ASH1L: variants seen among roughly 807,000 people sequenced by gnomAD.
ASH1L encodes ASH1 like histone lysine methyltransferase, also known as histone-lysine N-methyltransferase ASH1L.
A neutral mutation model predicts 269.0 loss-of-function variants in ASH1L; 23 were observed. The observed-to-expected ratio is 0.09, with a 90% CI of 0.06 to 0.12. ASH1L has a LOEUF of 0.12. Ranked by LOEUF, ASH1L falls within the 10% of genes least tolerant of loss-of-function variation. The pLI is 1.00. For missense variants in ASH1L, 2,912 were observed against 3,567.8 expected, an observed-to-expected ratio of 0.82 and a Z score of 4.68; for synonymous variants, 1,187 against 1,253.5, an observed-to-expected ratio of 0.95 and a Z score of 1.12.
chr1:155,398,863 G>C (rs577376568), intron 6 of ASH1L, among the ~76,000 whole-genome samples: 3 of 152,128 alleles, frequency 2.0e-5, no homozygotes, highest in Admixed American at 6.6e-5. Context: ...TGGAACTACA[G>C]GTGCATGCTA....
chr1:155,413,451 C>G (rs1296259737), intron 6 of ASH1L, among the ~76,000 whole-genome samples: 1 of 152,112 alleles, frequency 6.6e-6, no homozygotes, highest in Non-Finnish European at 1.5e-5. Flanking sequence ...ACTAAAATTA[C>G]AAACAATTAG....
chr1:155,342,224 G>T (rs2148318935), intron 24 of ASH1L, 122 bp from the exon 25 acceptor site: 1 of 859,550 alleles, frequency 1.2e-6, no homozygotes. Context: ...TGGTAGCTAT[G>T]TAGAGAGGCA....
At chr1:155,462,860 G>A (rs900318340) in intron 3 of ASH1L, among the ~76,000 whole-genome samples, 4 of 152,104 alleles carry the variant, frequency 2.6e-5, no homozygotes, top group Non-Finnish European at 5.9e-5. Flanking sequence ...TCTATCGCTT[G>A]GTAATCATCA....
At chr1:155,364,015 C>G (rs560062028) in intron 12 of ASH1L, among the ~76,000 whole-genome samples, 1 of 151,736 alleles carries the variant, frequency 6.6e-6, no homozygotes, top group African/African-American at 2.4e-5. Context: ...ATCTTCTGGC[C>G]GGGTGTTGTG....
intron 6 of ASH1L, 76 bp downstream of exon 6, chr1:155,415,668 T>C (rs984503529): frequency 1.3e-5 from 19 of 1,477,974 alleles, no homozygotes; most frequent in Non-Finnish European, 1.6e-5. Context: ...AGAATCTATA[T>C]TGTTTTTTGA....
chr1:155,379,674 A>T lies in ASH1L; in HGVS notation c.6177+369T>A, dbSNP rs192284562. 1.5e-3 allele frequency among the ~76,000 whole-genome samples: 224 copies of T among 152,346 alleles called. 1 individual carries two copies. Among genetic ancestry groups the T allele is most frequent in the African/African-American group, 5.2e-3 (215 of 41,584 alleles). On this transcript the variant is annotated intron_variant, in intron 8 of 27. Coordinates refer to ENST00000392403, the MANE Select transcript of ASH1L (RefSeq NM_018489.3). ...AAAAATAAATTTCAAACTGATAAGA[A>T]GGAGCCAACAAAAATAAAGTCTGAA...
At chr1:155,389,958 T>C (rs1355628970) in intron 7 of ASH1L, among the ~76,000 whole-genome samples, 1 of 150,334 alleles carries the variant, frequency 6.7e-6, no homozygotes, top group African/African-American at 2.4e-5. Flanking sequence ...ACAGAAACAG[T>C]TTCATTTCTT....
chr1:155,511,725 C>T (rs778978808), intron 2 of ASH1L, among the ~76,000 whole-genome samples: 1 of 152,096 alleles, frequency 6.6e-6, no homozygotes, highest in African/African-American at 2.4e-5. Context: ...AGCATAGTCT[C>T]GATCTCTTGA....
At chr1:155,367,724 T>C (rs1367182543) in intron 12 of ASH1L, among the ~76,000 whole-genome samples, 1 of 152,228 alleles carries the variant, frequency 6.6e-6, no homozygotes, top group Non-Finnish European at 1.5e-5. Context: ...TTTTTGTCTT[T>C]AGTCCATTAT....
intron 1 of ASH1L, among the ~76,000 whole-genome samples, chr1:155,545,525 T>C (rs1288217674): frequency 1.3e-5 from 2 of 151,856 alleles, no homozygotes; most frequent in African/African-American, 4.8e-5. Context: ...GATCTCATAT[T>C]TGGAAAGAGT....
intron 6 of ASH1L, among the ~76,000 whole-genome samples, chr1:155,405,993 C>A (rs1659250524): frequency 6.6e-6 from 1 of 151,794 alleles, no homozygotes; most frequent in South Asian, 2.1e-4. Flanking sequence ...CACTTGAGGT[C>A]CGGAGTTCGA....
intron 1 of ASH1L, among the ~76,000 whole-genome samples, chr1:155,537,532 T>C (rs72995169): frequency 1.5e-3 from 234 of 152,322 alleles, no homozygotes; most frequent in African/African-American, 5.5e-3. Context: ...GAACTTGGAT[T>C]GAATGTAATC....
At chr1:155,389,613 C>A (rs1377982424) in intron 7 of ASH1L, among the ~76,000 whole-genome samples, 1 of 151,984 alleles carries the variant, frequency 6.6e-6, no homozygotes, top group Admixed American at 6.6e-5. Context: ...GAGGAGAATG[C>A]AGAGAGCCAA....
Position 155,353,835 on chromosome 1 carries a change from C to T in ASH1L, c.7213+638G>A, listed in dbSNP as rs187106285. ...CCCACTGATAATTACCCGTCCCCCA[C>T]CCCAATTTCCCCAGTGGATTTGGTA... On this transcript the variant is annotated intron_variant, in intron 16 of 27. Coordinates refer to ENST00000392403, the MANE Select transcript of ASH1L (RefSeq NM_018489.3). Among the ~76,000 whole-genome samples, 581 of 152,326 alleles carry T rather than the reference C, an allele frequency of 3.8e-3. 1 individual carries two copies. The highest frequency in any genetic ancestry group is 4.9e-3 in the Non-Finnish European group (335 of 68,032).
intron 1 of ASH1L, among the ~76,000 whole-genome samples, chr1:155,549,740 G>A (rs975724823): frequency 1.3e-5 from 2 of 152,058 alleles, no homozygotes; most frequent in African/African-American, 2.4e-5. Context: ...TATCCTCGGG[G>A]GAACCAATCT....
intron 3 of ASH1L, among the ~76,000 whole-genome samples, chr1:155,469,489 C>T (rs1664934068): frequency 6.6e-6 from 1 of 152,120 alleles, no homozygotes; most frequent in Admixed American, 6.6e-5. Flanking sequence ...ACCCACTTGA[C>T]ACTCTTGACT....
chr1:155,411,586 A>AATAAATAAATATATATATATATATAT lies in ASH1L; in HGVS notation c.6008+4157_6008+4158insATATATATATATATATATTTATTTAT, dbSNP rs1297131961. ...AAATATGAATATAAATAAATAAATA[A>AATAAATAAATATATATATATATATAT]ATATATATATATATATATATATATA... On this transcript the variant is annotated intron_variant, in intron 6 of 27. Transcript: ENST00000392403. 2.3e-3 allele frequency among the ~76,000 whole-genome samples: 126 copies of AATAAATAAATATATATATATATATAT among 54,914 alleles called. 1 individual carries two copies. In the Middle Eastern group the frequency reaches 0.033, roughly 15 times the overall value. 36.0% of individuals were successfully genotyped at this position (54,914 alleles called of 152,430 possible).
chr1:155,365,821 T>C (rs933148171), intron 12 of ASH1L, among the ~76,000 whole-genome samples: 4 of 152,196 alleles, frequency 2.6e-5, no homozygotes, highest in African/African-American at 9.7e-5. Context: ...GCCCTTACCA[T>C]ACTGACACTT....
chr1:155,354,741 TAA>T, intron 15 of ASH1L, 111 bp from the exon 16 acceptor site: 1 of 1,007,740 alleles, frequency 9.9e-7, no homozygotes, highest in Non-Finnish European at 1.4e-6. Flanking sequence ...TGAGCTGTTG[TAA>T]AGAGAATTAT....
Sources: gnomAD v4.1 joint callset for allele counts (sites outside exome capture counted in the v4.1 genomes callset) on GRCh38, gnomAD v4.1.1 for gene constraint, MANE v1.5 for transcripts, NCBI Gene and HGNC (gene_info 2026-07-23, HGNC 2026-07-21) for gene names.